Variants in INTS4 observed in about 807,000 individuals in gnomAD.
INTS4 encodes the protein integrator complex subunit 4.
INTS4 carries 70 observed loss-of-function variants against 119.5 expected under a neutral mutation model. That is an observed-to-expected ratio of 0.59 (90% CI 0.48 to 0.71). INTS4 has a LOEUF of 0.71. Among genes scored for constraint, INTS4 ranks in the 30% least tolerant of loss-of-function variants. INTS4 has a pLI of 0.00. For synonymous variants in INTS4, 316 were observed against 419.6 expected, an observed-to-expected ratio of 0.75 and a Z score of 3.02; for missense variants, 867 against 1,173.2, an observed-to-expected ratio of 0.74 and a Z score of 3.81.
chr11:77,884,041 CAAG>C (rs1412347472), intron 21 of INTS4, 89 bp from the exon 22 acceptor site: 18 of 1,325,878 alleles, frequency 1.4e-5, no homozygotes, highest in Non-Finnish European at 1.8e-5. Flanking sequence ...CCTCAAAACA[CAAG>C]AAGAAACATG....
intron 12 of INTS4, 44 bp downstream of exon 12, chr11:77,924,706 C>A (rs1433260027): frequency 1.2e-5 from 19 of 1,560,218 alleles, no homozygotes; most frequent in Non-Finnish European, 1.7e-5. Context: ...ATACATTTAC[C>A]ACATTATGGG....
chr11:77,877,193 T>C, downstream of INTS4: 1 of 575,310 alleles, frequency 1.7e-6, no homozygotes, highest in Non-Finnish European at 3.1e-6. Flanking sequence ...CTAGGACAGG[T>C]TACTTATTTC....
intron 2 of INTS4, among the ~76,000 whole-genome samples, chr11:77,987,923 A>T (rs2136662592): frequency 6.6e-6 from 1 of 152,302 alleles, no homozygotes; most frequent in South Asian, 2.1e-4. Context: ...TGGGAGGCTG[A>T]GGTAGGTGAA....
At chr11:77,959,635 C>T (rs945000773) in intron 6 of INTS4, among the ~76,000 whole-genome samples, 4 of 152,240 alleles carry the variant, frequency 2.6e-5, no homozygotes, top group Non-Finnish European at 5.9e-5. Flanking sequence ...GCGATGGTCA[C>T]ACCACCACAA....
intron 8 of INTS4, among the ~76,000 whole-genome samples, chr11:77,948,678 AAAGAAG>A (rs199555036): frequency 6.7e-5 from 8 of 120,068 alleles, no homozygotes; most frequent in Admixed American, 1.7e-4. Flanking sequence ...CAAAAAAAAA[AAAGAAG>A]AAGAAGAAGA....
intron 21 of INTS4, chr11:77,884,708 C>T: frequency 7.4e-6 from 2 of 269,390 alleles, no homozygotes; most frequent in South Asian, 6.9e-5. Context: ...TATAATCCTT[C>T]ATCTCTCCTC....
intron 4 of INTS4, among the ~76,000 whole-genome samples, chr11:77,964,506 G>A (rs1479334189): frequency 6.6e-6 from 1 of 151,856 alleles, no homozygotes; most frequent in Non-Finnish European, 1.5e-5. Context: ...CCCAGGAGGC[G>A]GAGCTTGCAG....
chr11:77,888,188 A>G (rs537417997), intron 21 of INTS4, among the ~76,000 whole-genome samples: 1 of 152,374 alleles, frequency 6.6e-6, no homozygotes, highest in South Asian at 2.1e-4. Flanking sequence ...ACAAGCCTAC[A>G]GTAACCAGAA....
intron 22 of INTS4, among the ~76,000 whole-genome samples, chr11:77,881,746 C>A (rs1951800634): frequency 1.3e-5 from 2 of 152,182 alleles, no homozygotes; most frequent in Non-Finnish European, 2.9e-5. Context: ...AAGTTCCCTG[C>A]TCTATAGAAG....
intron 12 of INTS4, among the ~76,000 whole-genome samples, chr11:77,923,860 G>A (rs1953427807): frequency 6.6e-6 from 1 of 150,716 alleles, no homozygotes; most frequent in South Asian, 2.1e-4. Flanking sequence ...TGCTTCCAGG[G>A]TTCAAGCAAT....
intron 22 of INTS4, among the ~76,000 whole-genome samples, chr11:77,882,405 C>T (rs1376230824): frequency 6.6e-6 from 1 of 152,150 alleles, no homozygotes; most frequent in Non-Finnish European, 1.5e-5. Context: ...AAGTCAGACC[C>T]TCTCAAGACC....
intron 4 of INTS4, among the ~76,000 whole-genome samples, chr11:77,971,909 A>G (rs766581637): frequency 1.3e-5 from 2 of 152,198 alleles, no homozygotes; most frequent in Non-Finnish European, 1.5e-5. Flanking sequence ...ACATATATTC[A>G]GGTCTTTGAC....
chr11:77,941,625 G>A (rs549422632), intron 8 of INTS4, among the ~76,000 whole-genome samples: 10 of 152,052 alleles, frequency 6.6e-5, no homozygotes, highest in African/African-American at 2.2e-4. Context: ...CACCATGCCC[G>A]GCTAATTTTT....
At chr11:77,964,770 G>A (rs892548302) in intron 4 of INTS4, among the ~76,000 whole-genome samples, 8 of 151,608 alleles carry the variant, frequency 5.3e-5, no homozygotes, top group African/African-American at 1.9e-4. Flanking sequence ...GAGAGGGAGG[G>A]AGGGGAGGCA....
intron 4 of INTS4, among the ~76,000 whole-genome samples, chr11:77,976,539 C>T (rs1030273490): frequency 6.6e-6 from 1 of 152,106 alleles, no homozygotes; most frequent in African/African-American, 2.4e-5. Flanking sequence ...GGATCTAGAA[C>T]TAGAAATACC....
chr11:77,921,290 C>A (rs553510703), intron 14 of INTS4, 50 bp downstream of exon 14: 5 of 1,597,440 alleles, frequency 3.1e-6, no homozygotes, highest in African/African-American at 2.7e-5. Context: ...ACAAAAATAA[C>A]CCTACCCCAT....
intron 8 of INTS4, among the ~76,000 whole-genome samples, chr11:77,951,499 T>C (rs935578876): frequency 6.6e-6 from 1 of 152,148 alleles, no homozygotes. Context: ...TTACACCTTA[T>C]ACAAAAATTA....
chr11:77,980,175 C>T (rs1319568223), intron 3 of INTS4, among the ~76,000 whole-genome samples: 1 of 91,856 alleles, frequency 1.1e-5, no homozygotes, highest in East Asian at 2.6e-4. Flanking sequence ...TAATTACATG[C>T]CCCCTATCTT....
intron 2 of INTS4, among the ~76,000 whole-genome samples, chr11:77,986,221 C>T (rs1856450853): frequency 6.6e-6 from 1 of 152,264 alleles, no homozygotes; most frequent in Non-Finnish European, 1.5e-5. Context: ...TTTATGCAGC[C>T]AACAGACACA....
Sources: gnomAD v4.1 joint callset for allele counts (sites outside exome capture counted in the v4.1 genomes callset) on GRCh38, gnomAD v4.1.1 for gene constraint, MANE v1.5 for transcripts, NCBI Gene and HGNC (gene_info 2026-07-23, HGNC 2026-07-21) for gene names.